The following PAH variants were observed in gnomAD, a reference collection of about 807,000 sequenced individuals.
PAH encodes the protein phenylalanine-4-hydroxylase.
Under a neutral mutation model 62.0 loss-of-function variants are expected in PAH, and 64 were observed. The ratio of observed to expected loss-of-function variants is 1.03; its 90% CI spans 0.84 to 1.27. PAH has a LOEUF of 1.27. PAH is among the 50% of genes most tolerant of loss of function. PAH has a pLI of 0.00. For synonymous variants in PAH, 195 were observed against 196.2 expected (o/e 0.99, Z 0.05); for missense variants, 579 against 542.8 (o/e 1.07, Z -0.66).
chr12:102,877,556 A>G lies in PAH; in HGVS notation c.353-6T>C. 6.2e-7 allele frequency: 1 copy of G among 1,611,948 alleles called. No homozygotes were observed. The highest frequency in any genetic ancestry group is 2.2e-5 in the East Asian group (1 of 44,864). On this transcript the variant is annotated splice_polypyrimidine_tract_variant and splice_region_variant and intron_variant, in intron 3 of 12. Coordinates refer to ENST00000553106, the MANE Select transcript of PAH (RefSeq NM_000277.3). The stretch of plus-strand genomic sequence containing the variant: ...GGTTCTTGGGAACCAGGGCACTGAA[A>G]CACAGAGAAGGCAACGTCCTGAGTA...
intron 2 of PAH, among the ~76,000 whole-genome samples, chr12:102,896,980 T>A (rs1877532243): frequency 6.6e-6 from 1 of 152,216 alleles, no homozygotes; most frequent in Non-Finnish European, 1.5e-5. Context: ...CATAAATTCT[T>A]TAACCAATAC....
chr12:102,839,383 A>G (rs536720908), intron 12 of PAH, among the ~76,000 whole-genome samples, 165 bp from the exon 13 acceptor site: 2 of 152,330 alleles, frequency 1.3e-5, no homozygotes, highest in South Asian at 4.1e-4. Flanking sequence ...AAGTACTTGC[A>G]TGTTTTAGAA....
intron 4 of PAH, among the ~76,000 whole-genome samples, chr12:102,876,814 C>G (rs1876585503): frequency 6.6e-6 from 1 of 152,094 alleles, no homozygotes; most frequent in Admixed American, 6.5e-5. Flanking sequence ...GGACCTGCCC[C>G]CATGGCTGCA....
chr12:102,863,064 G>T (rs1029818548), intron 5 of PAH, among the ~76,000 whole-genome samples: 1 of 152,116 alleles, frequency 6.6e-6, no homozygotes, highest in Non-Finnish European at 1.5e-5. Flanking sequence ...CCTTGGCCCT[G>T]CCATTCCCTA....
chr12:102,956,068 T>G (rs1879902327), intron 1 of PAH, among the ~76,000 whole-genome samples: 1 of 152,136 alleles, frequency 6.6e-6, no homozygotes, highest in African/African-American at 2.4e-5. Flanking sequence ...GCTCCCTGGG[T>G]CATCCCCTTG....
At chr12:102,931,496 T>C (rs1878873202) in intron 1 of PAH, among the ~76,000 whole-genome samples, 1 of 152,180 alleles carries the variant, frequency 6.6e-6, no homozygotes, top group Admixed American at 6.5e-5. Flanking sequence ...GAGGTAAGGA[T>C]GTCTTAGGTA....
intron 2 of PAH, among the ~76,000 whole-genome samples, chr12:102,908,169 C>T (rs1390029202): frequency 1.3e-5 from 2 of 151,922 alleles, no homozygotes; most frequent in African/African-American, 2.4e-5. Context: ...AGAGTTCACC[C>T]AGAGTTCACA....
At chr12:102,930,557 A>G (rs1287501526) in intron 1 of PAH, among the ~76,000 whole-genome samples, 1 of 152,172 alleles carries the variant, frequency 6.6e-6, no homozygotes, top group East Asian at 1.9e-4. Flanking sequence ...GGTTATATTG[A>G]CATCTTTTGC....
intron 5 of PAH, among the ~76,000 whole-genome samples, chr12:102,857,512 A>G (rs956624315): frequency 3.3e-5 from 5 of 152,186 alleles, no homozygotes; most frequent in Non-Finnish European, 7.3e-5. Context: ...ACTCCAAGAC[A>G]CATAATTGTC....
Position 102,839,127 on chromosome 12 carries a change from T to G in PAH, c.*48A>C. 4 of 1,550,580 alleles carry G rather than the reference T, an allele frequency of 2.6e-6. No individual in the cohort carries two copies. The highest frequency in any genetic ancestry group is 3.6e-6 in the Non-Finnish European group (4 of 1,122,496). ...TTTTCTGATGAAAGAAATAGTTGGA[T>G]CTCCATCAACAGATTCACAGCTGAC... On this transcript the variant is annotated 3_prime_UTR_variant, in exon 13 of 13. Transcript: ENST00000553106.
intron 2 of PAH, among the ~76,000 whole-genome samples, chr12:102,910,364 T>A (rs943423193): frequency 3.3e-5 from 5 of 151,288 alleles, no homozygotes; most frequent in African/African-American, 1.2e-4. Context: ...GCAACCTCCT[T>A]GAAATTCCTT....
chr12:102,882,136 T>C (rs1181905119), intron 3 of PAH, among the ~76,000 whole-genome samples: 2 of 152,212 alleles, frequency 1.3e-5, no homozygotes, highest in African/African-American at 2.4e-5. Context: ...CTTGTCCTTT[T>C]GATGTTAAAG....
At chr12:102,856,695 C>T (rs979384012) in intron 5 of PAH, among the ~76,000 whole-genome samples, 1 of 152,236 alleles carries the variant, frequency 6.6e-6, no homozygotes, top group Non-Finnish European at 1.5e-5. Context: ...TGTTCTGCAG[C>T]CTCCGCTGCT....
chr12:102,860,087 C>G (rs1875647899), intron 5 of PAH, among the ~76,000 whole-genome samples: 2 of 152,214 alleles, frequency 1.3e-5, no homozygotes, highest in African/African-American at 4.8e-5. Context: ...ACCCCATTGT[C>G]TCAGCCCAAA....
chr12:102,862,203 C>T (rs775359456), intron 5 of PAH, among the ~76,000 whole-genome samples: 6 of 152,148 alleles, frequency 3.9e-5, no homozygotes, highest in Non-Finnish European at 7.3e-5. Flanking sequence ...TACATATACA[C>T]CATGGAATAC....
chr12:102,918,402 G>A (rs1434893009), upstream of PAH, among the ~76,000 whole-genome samples: 2 of 151,984 alleles, frequency 1.3e-5, no homozygotes, highest in Non-Finnish European at 2.9e-5. Context: ...AAGGTTGCTG[G>A]AAGCCCATCC....
chr12:102,839,923 G>A (rs1010103327), intron 12 of PAH, among the ~76,000 whole-genome samples: 24 of 152,244 alleles, frequency 1.6e-4, no homozygotes, highest in African/African-American at 5.5e-4. Flanking sequence ...AAGAGAGTAT[G>A]AAGGGCTAGA....
chr12:102,900,902 G>T (rs905880467), intron 2 of PAH, among the ~76,000 whole-genome samples: 14 of 152,176 alleles, frequency 9.2e-5, no homozygotes, highest in African/African-American at 3.1e-4. Flanking sequence ...CTCGGGGAAG[G>T]CAATAAAGGC....
chr12:102,897,961 C>T (rs901409092), intron 2 of PAH, among the ~76,000 whole-genome samples: 1 of 152,170 alleles, frequency 6.6e-6, no homozygotes, highest in Non-Finnish European at 1.5e-5. Context: ...CTTGTAAAAC[C>T]TGGACTCTTT....
Sources: allele counts gnomAD v4.1 joint callset (sites outside exome capture counted in the v4.1 genomes callset), GRCh38; gene constraint gnomAD v4.1.1; transcripts MANE v1.5; gene names NCBI Gene and HGNC (gene_info 2026-07-23, HGNC 2026-07-21).